HDX: variants seen among roughly 807,000 people sequenced by gnomAD.
HDX encodes the protein highly divergent homeobox.
HDX carries 19 observed loss-of-function variants against 45.2 expected under a neutral mutation model. The ratio of observed to expected loss-of-function variants is 0.42; its 90% CI spans 0.29 to 0.62. HDX has a LOEUF of 0.62. Ranked by LOEUF, HDX falls within the 20% of genes least tolerant of loss-of-function variation. HDX has a pLI of 0.20. For synonymous variants in HDX, 188 were observed against 172.8 expected (o/e 1.09, Z -0.69); for missense variants, 532 against 493.9 (o/e 1.08, Z -0.73).
At position 84,368,256 on chromosome X, in the gene HDX, A is replaced by C. The variant is rs186159838; in HGVS notation, c.1306-6644T>G. ...AGAATCATGGTTTTCTTTCTTCTTT[A>C]TTTTTAAAATTTCTATACTCCTAGT... On this transcript the variant is annotated intron_variant, in intron 5 of 10. Coordinates refer to ENST00000373177, the MANE Select transcript of HDX (RefSeq NM_001177479.2). Among the ~76,000 whole-genome samples, 216 of 111,545 alleles carry C rather than the reference A, an allele frequency of 1.9e-3. 1 individual carries two copies. The highest frequency in any genetic ancestry group is 6.4e-3 in the African/African-American group (198 of 30,786).
chrX:84,447,889 C>G (rs11798496), intron 4 of HDX, among the ~76,000 whole-genome samples: 11 of 109,813 alleles, frequency 1.0e-4, no homozygotes, highest in Non-Finnish European at 2.1e-4. Context: ...TGCCTGCTAC[C>G]CAGCCACCTG....
rs1405986052 is a variant in HDX at position 84,356,868 on chromosome X, A to G, written c.1452+4598T>C. 2.1e-4 allele frequency among the ~76,000 whole-genome samples: 23 copies of G among 109,949 alleles called. No homozygotes were observed. In the Admixed American group the frequency reaches 2.2e-3, roughly 11 times the overall value. Reference sequence around the variant, plus strand: ...CGATCTCCTGACCTGTGATCCGCCCACCTCGGCCTCCCAAAGTGCTGGGAT... The same window carrying G: ...CGATCTCCTGACCTGTGATCCGCCCGCCTCGGCCTCCCAAAGTGCTGGGAT... On this transcript the variant is annotated intron_variant, in intron 6 of 10. Coordinates refer to ENST00000373177, the MANE Select transcript of HDX (RefSeq NM_001177479.2).
chrX:84,338,172 T>C (rs957355933), intron 7 of HDX, among the ~76,000 whole-genome samples: 1 of 110,707 alleles, frequency 9.0e-6, no homozygotes, highest in Non-Finnish European at 1.9e-5. Flanking sequence ...CATGGGGGAA[T>C]TATTAAGAGG....
At chrX:84,419,646 A>G (rs975193221) in intron 5 of HDX, among the ~76,000 whole-genome samples, 7 of 112,031 alleles carry the variant, frequency 6.2e-5, no homozygotes, top group African/African-American at 2.3e-4. Flanking sequence ...CTGATTGTAG[A>G]ACCCTGGGGC....
intron 9 of HDX, among the ~76,000 whole-genome samples, chrX:84,329,959 C>G (rs953422290): frequency 2.0e-4 from 22 of 111,266 alleles, no homozygotes; most frequent in African/African-American, 7.2e-4. Context: ...TTTTTTCAAA[C>G]AACAAAGTAT....
intron 6 of HDX, among the ~76,000 whole-genome samples, chrX:84,347,185 T>C (rs1270726559): frequency 9.0e-6 from 1 of 110,846 alleles, no homozygotes; most frequent in African/African-American, 3.3e-5. Context: ...TATTTTGTCG[T>C]CTTTTTCTAG....
chrX:84,455,157 A>G (rs1354458134), intron 4 of HDX, among the ~76,000 whole-genome samples: 1 of 111,615 alleles, frequency 9.0e-6, no homozygotes, highest in Non-Finnish European at 1.9e-5. Flanking sequence ...TAAATATCCA[A>G]TGCTCAGGCA....
At chrX:84,357,706 G>T (rs2037521064) in intron 6 of HDX, among the ~76,000 whole-genome samples, 1 of 111,946 alleles carries the variant, frequency 8.9e-6, no homozygotes, top group African/African-American at 3.3e-5. Flanking sequence ...ATATAAGAGA[G>T]ACTGCTGTCT....
intron 5 of HDX, among the ~76,000 whole-genome samples, chrX:84,411,067 T>G (rs2038973084): frequency 9.0e-6 from 1 of 111,669 alleles, no homozygotes; most frequent in African/African-American, 3.2e-5. Context: ...TTCATAAGTC[T>G]GGCTAGTGGT....
intron 5 of HDX, among the ~76,000 whole-genome samples, chrX:84,368,598 A>G (rs1465507407): frequency 8.9e-6 from 1 of 112,155 alleles, no homozygotes; most frequent in Non-Finnish European, 1.9e-5. Flanking sequence ...AATATACATA[A>G]CATTTGCCAT....
chrX:84,367,586 G>T lies in HDX; in HGVS notation c.1306-5974C>A, dbSNP rs999678595. 8.9e-5 allele frequency among the ~76,000 whole-genome samples: 10 copies of T among 112,241 alleles called. No individual in the cohort carries two copies. The Admixed American group carries it at 9.4e-4, about 11-fold the overall frequency. Reference sequence around the variant, plus strand: ...CTGCAGCACTGTTCACAGTAGCAAAGACTTGCAACCAACCCAAATGTCCAT... The same window carrying T: ...CTGCAGCACTGTTCACAGTAGCAAATACTTGCAACCAACCCAAATGTCCAT... On this transcript the variant is annotated intron_variant, in intron 5 of 10. Transcript: ENST00000373177.
At chrX:84,449,612 A>C (rs2039951707) in intron 4 of HDX, among the ~76,000 whole-genome samples, 1 of 111,760 alleles carries the variant, frequency 8.9e-6, no homozygotes. Context: ...TTTCCCAGAC[A>C]AACAAAAGCT....
At chrX:84,338,110 T>G (rs2037006376) in intron 7 of HDX, among the ~76,000 whole-genome samples, 1 of 111,075 alleles carries the variant, frequency 9.0e-6, no homozygotes, top group African/African-American at 3.3e-5. Flanking sequence ...TCACGAATTT[T>G]TCGAAGTCTA....
intron 5 of HDX, among the ~76,000 whole-genome samples, chrX:84,405,783 T>C (rs1431845650): frequency 9.2e-6 from 1 of 108,843 alleles, no homozygotes. Flanking sequence ...ATCCTTTTAG[T>C]AAACTAGACG....
At chrX:84,384,409 T>G (rs2038259236) in intron 5 of HDX, among the ~76,000 whole-genome samples, 1 of 111,203 alleles carries the variant, frequency 9.0e-6, no homozygotes, top group South Asian at 3.8e-4. Flanking sequence ...GTTTTTTAGA[T>G]TCTAGATATC....
intron 5 of HDX, among the ~76,000 whole-genome samples, chrX:84,423,551 CA>C (rs2039317576): frequency 9.7e-6 from 1 of 103,352 alleles, no homozygotes. Flanking sequence ...AATATTGACA[CA>C]AAAAATTTTC....
At chrX:84,370,151 T>C (rs1334128893) in intron 5 of HDX, among the ~76,000 whole-genome samples, 1 of 112,115 alleles carries the variant, frequency 8.9e-6, no homozygotes, top group Admixed American at 9.5e-5. Context: ...TGCCTGATTG[T>C]TGAGGTGGGA....
At chrX:84,346,741 A>G (rs2147806615) in intron 6 of HDX, among the ~76,000 whole-genome samples, 1 of 112,021 alleles carries the variant, frequency 8.9e-6, no homozygotes, top group East Asian at 2.8e-4. Context: ...TGAACTCAAA[A>G]TGCATCATAG....
intron 5 of HDX, among the ~76,000 whole-genome samples, chrX:84,400,982 G>T (rs1198534245): frequency 9.0e-6 from 1 of 111,704 alleles, no homozygotes; most frequent in African/African-American, 3.3e-5. Flanking sequence ...AATGGTGCTG[G>T]GATAACTGGC....
Sources: gnomAD v4.1 joint callset for allele counts (sites outside exome capture counted in the v4.1 genomes callset) on GRCh38, gnomAD v4.1.1 for gene constraint, MANE v1.5 for transcripts, NCBI Gene and HGNC (gene_info 2026-07-23, HGNC 2026-07-21) for gene names.